Variants in MCTP2 observed in about 807,000 individuals in gnomAD.
MCTP2 encodes multiple C2 and transmembrane domain-containing protein 2.
In MCTP2, 132 loss-of-function variants were observed where a neutral mutation model predicts 111.6. The observed-to-expected ratio is 1.18, with a 90% confidence interval of 1.03 to 1.37. MCTP2 has a LOEUF of 1.37. Ranked by LOEUF, MCTP2 falls within the 40% of genes most tolerant of loss-of-function variation. MCTP2 has a pLI of 0.00. For missense variants in MCTP2, 1,183 were observed against 1,067.9 expected (o/e 1.11, Z -1.50); for synonymous variants, 395 against 387.7 (o/e 1.02, Z -0.22).
In MCTP2 at chr15:94,346,849, G is replaced by A. The variant is rs115201230; in HGVS notation, c.1005+1685G>A. ...AAATATGAAGGAAACAGAAGATCCC[G>A]GAGAGCAGTATTTATATGTATACTT... On this transcript the variant is annotated intron_variant, in intron 8 of 22. Transcript: ENST00000357742. Among the ~76,000 whole-genome samples, 1,166 of 152,160 alleles carry A rather than the reference G, an allele frequency of 7.7e-3. 20 individuals carry two copies. The highest frequency in any genetic ancestry group is 0.027 in the African/African-American group (1,117 of 41,498).
chr15:94,379,940 C>T (rs1352128502), intron 12 of MCTP2, among the ~76,000 whole-genome samples: 1 of 147,208 alleles, frequency 6.8e-6, no homozygotes, highest in Non-Finnish European at 1.5e-5. Context: ...ATATATCCTC[C>T]TAATAAATTT....
At chr15:94,350,994 C>T (rs2078272542) in intron 8 of MCTP2, among the ~76,000 whole-genome samples, 1 of 151,762 alleles carries the variant, frequency 6.6e-6, no homozygotes, top group African/African-American at 2.4e-5. Flanking sequence ...TTCTCTTAAT[C>T]TATTTTTATT....
intron 17 of MCTP2, among the ~76,000 whole-genome samples, chr15:94,415,072 C>T (rs1324451382): frequency 1.3e-5 from 2 of 151,938 alleles, no homozygotes; most frequent in African/African-American, 2.4e-5. Flanking sequence ...ACAGGAGTGA[C>T]TAAGAGATCA....
intron 14 of MCTP2, among the ~76,000 whole-genome samples, chr15:94,393,733 G>A (rs1011757232): frequency 6.6e-6 from 1 of 151,974 alleles, no homozygotes; most frequent in African/African-American, 2.4e-5. Context: ...GAAAATACAA[G>A]TCAACCTAGC....
intron 8 of MCTP2, among the ~76,000 whole-genome samples, chr15:94,355,574 C>T (rs1253056069): frequency 1.3e-5 from 2 of 152,120 alleles, no homozygotes; most frequent in Non-Finnish European, 2.9e-5. Context: ...CCCACCCCCA[C>T]TCCAGGTCTG....
chr15:94,464,824 T>C (rs1052373441), intron 20 of MCTP2, among the ~76,000 whole-genome samples: 2 of 152,098 alleles, frequency 1.3e-5, no homozygotes, highest in Admixed American at 6.5e-5. Flanking sequence ...TCTAGTTATC[T>C]TTTCGTTTCT....
At chr15:94,241,745 G>A (rs1041471400) in intron 1 of MCTP2, among the ~76,000 whole-genome samples, 1 of 151,550 alleles carries the variant, frequency 6.6e-6, no homozygotes, top group African/African-American at 2.4e-5. Context: ...TTTATCCTGT[G>A]CCTCTAGGCA....
chr15:94,354,431 A>C (rs1320357843), intron 8 of MCTP2, among the ~76,000 whole-genome samples: 2 of 152,102 alleles, frequency 1.3e-5, no homozygotes, highest in Non-Finnish European at 2.9e-5. Flanking sequence ...GATTCTCATG[A>C]GTTCTCTTGA....
intron 12 of MCTP2, among the ~76,000 whole-genome samples, chr15:94,373,406 A>G (rs888338917): frequency 6.6e-6 from 1 of 152,228 alleles, no homozygotes. Context: ...AATGTGTTGA[A>G]AGACATGAAT....
At position 94,464,270 on chromosome 15, in the gene MCTP2, T is replaced by A. The variant is rs1166776360; in HGVS notation, c.2360+6024T>A. Among the ~76,000 whole-genome samples the A allele has an allele frequency of 3.4e-5, 3 of 89,438 alleles. 1 individual carries two copies. Among genetic ancestry groups the A allele is most frequent in the Non-Finnish European group, 7.8e-5 (3 of 38,666 alleles). 58.7% of individuals were successfully genotyped at this position (89,438 alleles called of 152,430 possible). A position where few individuals can be genotyped will look rare whatever the true frequency, so the allele number is the denominator to read the frequency against. On this transcript the variant is annotated intron_variant, in intron 20 of 22. Transcript: ENST00000357742. ...TATATATATATATTATATATATATA[T>A]ATATATATAAACGTCAGCCATTCTA...
At chr15:94,294,261 C>A (rs2075160856) in intron 1 of MCTP2, among the ~76,000 whole-genome samples, 1 of 152,104 alleles carries the variant, frequency 6.6e-6, no homozygotes, top group Non-Finnish European at 1.5e-5. Context: ...CCCTCTGTGT[C>A]CCGATTGTGA....
chr15:94,389,751 G>A (rs994090381), intron 14 of MCTP2, among the ~76,000 whole-genome samples: 5 of 151,992 alleles, frequency 3.3e-5, no homozygotes, highest in Admixed American at 6.6e-5. Context: ...TTCTTGAAGA[G>A]GAATGTGAAT....
At chr15:94,464,257 T>TATTATATATATATTA (rs4001978) in intron 20 of MCTP2, among the ~76,000 whole-genome samples, 1 of 44,968 alleles carries the variant, frequency 2.2e-5, no homozygotes, top group African/African-American at 6.0e-5. Flanking sequence ...TATATATATA[T>TATTATATATATATTA]TATATATATA....
chr15:94,421,386 G>T (rs570930841), intron 17 of MCTP2, among the ~76,000 whole-genome samples: 1 of 152,254 alleles, frequency 6.6e-6, no homozygotes, highest in South Asian at 2.1e-4. Context: ...TTTTGCTGCT[G>T]TGACAAATTA....
At chr15:94,345,956 AGAT>A (rs1332350229) in intron 8 of MCTP2, among the ~76,000 whole-genome samples, 2 of 152,094 alleles carry the variant, frequency 1.3e-5, no homozygotes, top group African/African-American at 4.8e-5. Context: ...GAAGATGTAC[AGAT>A]GATCTCGGTG....
At chr15:94,317,789 T>C (rs931742712) in intron 4 of MCTP2, among the ~76,000 whole-genome samples, 3 of 152,240 alleles carry the variant, frequency 2.0e-5, no homozygotes, top group African/African-American at 4.8e-5. Flanking sequence ...TCCTTTTTTT[T>C]CTTAAAATTT....
chr15:94,277,303 T>G (rs138097569), intron 1 of MCTP2, among the ~76,000 whole-genome samples: 1 of 152,230 alleles, frequency 6.6e-6, no homozygotes, highest in Non-Finnish European at 1.5e-5. Context: ...ATACCATTGA[T>G]CTAGTGATCA....
At chr15:94,249,521 T>C (rs1200283751) in intron 1 of MCTP2, among the ~76,000 whole-genome samples, 2 of 151,710 alleles carry the variant, frequency 1.3e-5, no homozygotes. Context: ...AGTCTCACTC[T>C]GTCACCCAGG....
At chr15:94,456,825 T>A (rs1044537563) in intron 19 of MCTP2, among the ~76,000 whole-genome samples, 4 of 152,156 alleles carry the variant, frequency 2.6e-5, no homozygotes, top group Non-Finnish European at 5.9e-5. Flanking sequence ...CTAGCCTCTG[T>A]TCTTCCTTTG....
Sources: gnomAD v4.1 joint callset for allele counts (sites outside exome capture counted in the v4.1 genomes callset) on GRCh38, gnomAD v4.1.1 for gene constraint, MANE v1.5 for transcripts, NCBI Gene and HGNC (gene_info 2026-07-23, HGNC 2026-07-21) for gene names.